BBS9: variants seen among roughly 807,000 people sequenced by gnomAD.
BBS9 encodes Bardet-Biedl syndrome 9.
A neutral mutation model predicts 117.7 loss-of-function variants in BBS9; 89 were observed. The ratio of observed to expected loss-of-function variants is 0.76; its 90% CI spans 0.64 to 0.90. BBS9 has a LOEUF of 0.90. BBS9 is among the 40% of genes least tolerant of loss of function. The pLI, the probability that BBS9 is intolerant of heterozygous loss-of-function variation, is 0.00. For missense variants in BBS9, 982 were observed against 1,042.2 expected, an observed-to-expected ratio of 0.94 and a Z score of 0.80; for synonymous variants, 379 against 370.9, an observed-to-expected ratio of 1.02 and a Z score of -0.25.
chr7:33,372,119 G>GA (rs997932870), intron 17 of BBS9, among the ~76,000 whole-genome samples: 40 of 151,648 alleles, frequency 2.6e-4, no homozygotes, highest in Admixed American at 2.6e-4. Flanking sequence ...AAATAAAAGG[G>GA]AAAAAAAAGG....
chr7:33,230,550 GT>G (rs1242317563), intron 5 of BBS9, among the ~76,000 whole-genome samples: 3 of 152,170 alleles, frequency 2.0e-5, no homozygotes, highest in Non-Finnish European at 4.4e-5. Flanking sequence ...CCAACAGGTA[GT>G]TTTTCATCCT....
At chr7:33,187,837 G>A (rs1006034890) in intron 5 of BBS9, among the ~76,000 whole-genome samples, 4 of 152,020 alleles carry the variant, frequency 2.6e-5, no homozygotes, top group East Asian at 1.9e-4. Flanking sequence ...AGGAGAAATC[G>A]CTTGAACCCA....
chr7:33,390,575 T>C (rs1208903009), intron 19 of BBS9: 11 of 962,456 alleles, frequency 1.1e-5, no homozygotes, highest in Non-Finnish European at 1.4e-5. Flanking sequence ...TATATGTATA[T>C]ATTTGTAATA....
At chr7:33,556,287 C>T (rs1855281266) in intron 21 of BBS9, among the ~76,000 whole-genome samples, 1 of 152,132 alleles carries the variant, frequency 6.6e-6, no homozygotes. Context: ...TCATGACATC[C>T]CTACCCCGAC....
At chr7:33,587,466 T>G (rs1353572625) in intron 21 of BBS9, among the ~76,000 whole-genome samples, 1 of 152,112 alleles carries the variant, frequency 6.6e-6, no homozygotes, top group Non-Finnish European at 1.5e-5. Flanking sequence ...ATAGCTTAAT[T>G]GAAGGCAGAC....
chr7:33,169,245 A>G (rs1051282580), intron 4 of BBS9, among the ~76,000 whole-genome samples: 2 of 150,660 alleles, frequency 1.3e-5, no homozygotes, highest in Admixed American at 1.3e-4. Flanking sequence ...AGTCTTTGCT[A>G]TTGTGAATAA....
intron 15 of BBS9, chr7:33,357,605 A>G (rs1050045089): frequency 4.8e-5 from 25 of 521,718 alleles, no homozygotes; most frequent in African/African-American, 4.2e-4. Context: ...TTTTAAAAAT[A>G]TGATACTATT....
intron 19 of BBS9, among the ~76,000 whole-genome samples, chr7:33,450,317 T>C (rs1837615136): frequency 6.6e-6 from 1 of 152,236 alleles, no homozygotes; most frequent in Admixed American, 6.5e-5. Context: ...CAATTGCGAA[T>C]AATGCCGCAA....
At chr7:33,587,116 G>A (rs1344300140) in intron 21 of BBS9, among the ~76,000 whole-genome samples, 2 of 152,048 alleles carry the variant, frequency 1.3e-5, no homozygotes, top group African/African-American at 4.8e-5. Context: ...CCAGGGTCAG[G>A]TGAAGTTCTT....
intron 21 of BBS9, among the ~76,000 whole-genome samples, chr7:33,579,341 A>G (rs1026915437): frequency 5.9e-5 from 9 of 152,166 alleles, no homozygotes; most frequent in South Asian, 2.1e-4. Flanking sequence ...CTTGTTTCCT[A>G]GTATTGCCAG....
At chr7:33,575,246 G>T (rs1173951666) in intron 21 of BBS9, among the ~76,000 whole-genome samples, 1 of 152,050 alleles carries the variant, frequency 6.6e-6, no homozygotes, top group Non-Finnish European at 1.5e-5. Flanking sequence ...AATTAGAGTG[G>T]TGTTCTCATG....
At chr7:33,520,322 T>G (rs1433201942) in intron 20 of BBS9, among the ~76,000 whole-genome samples, 1 of 152,118 alleles carries the variant, frequency 6.6e-6, no homozygotes, top group Non-Finnish European at 1.5e-5. Flanking sequence ...CCAAAATAGT[T>G]TTTACTTCTG....
intron 19 of BBS9, chr7:33,390,297 A>G: frequency 1.0e-6 from 1 of 985,332 alleles, no homozygotes; most frequent in Non-Finnish European, 1.2e-6. Context: ...AATGCTTTCC[A>G]GATTTTCTAT....
chr7:33,226,218 C>T (rs1025446080), intron 5 of BBS9, among the ~76,000 whole-genome samples: 1 of 152,026 alleles, frequency 6.6e-6, no homozygotes, highest in African/African-American at 2.4e-5. Context: ...TTTCTCATCT[C>T]TATAGTGGAG....
chr7:33,508,904 T>A (rs187206003), intron 20 of BBS9, among the ~76,000 whole-genome samples: 3,284 of 152,284 alleles, frequency 0.022, 135 homozygotes, highest in African/African-American at 0.076. Context: ...GTCTTATTTA[T>A]CTGGGAATAT....
At chr7:33,491,596 TGCTGG>T (rs1429783842) in intron 19 of BBS9, among the ~76,000 whole-genome samples, 1 of 152,208 alleles carries the variant, frequency 6.6e-6, no homozygotes, top group African/African-American at 2.4e-5. Context: ...CTATGCTCTA[TGCTGG>T]GGACACAGTA....
chr7:33,255,556 G>T lies in BBS9; in HGVS notation c.443-1680G>T, dbSNP rs1336932621. Among the ~76,000 whole-genome samples the T allele has an allele frequency of 2.0e-5, 3 of 152,170 alleles. No individual in the cohort carries two copies. In the East Asian group the frequency reaches 5.8e-4, roughly 29 times the overall value. On this transcript the variant is annotated intron_variant, in intron 5 of 22. Coordinates refer to ENST00000242067, the MANE Select transcript of BBS9 (RefSeq NM_198428.3). Reference sequence around the variant, plus strand: ...TTGTTTATAAAAACGACAATTCTTAGAACCATAATTAAAATAAGAATTGAT... The same window carrying T: ...TTGTTTATAAAAACGACAATTCTTATAACCATAATTAAAATAAGAATTGAT...
chr7:33,279,628 C>A (rs1801437787), intron 9 of BBS9, among the ~76,000 whole-genome samples: 1 of 151,976 alleles, frequency 6.6e-6, no homozygotes, highest in Middle Eastern at 3.4e-3. Context: ...TTTTTTCTTT[C>A]CACTCCCACC....
intron 12 of BBS9, among the ~76,000 whole-genome samples, chr7:33,348,015 A>G (rs1038303065): frequency 6.6e-6 from 1 of 152,082 alleles, no homozygotes; most frequent in African/African-American, 2.4e-5. Context: ...TAGATACTAT[A>G]TTATTCACTT....
Sources: gnomAD v4.1 joint callset for allele counts (sites outside exome capture counted in the v4.1 genomes callset) on GRCh38, gnomAD v4.1.1 for gene constraint, MANE v1.5 for transcripts, NCBI Gene and HGNC (gene_info 2026-07-23, HGNC 2026-07-21) for gene names.